WDR17: variants seen among roughly 807,000 people sequenced by gnomAD.
WDR17 encodes WD repeat-containing protein 17.
Under a neutral mutation model 161.7 loss-of-function variants are expected in WDR17, and 143 were observed. The observed-to-expected ratio is 0.88, with a 90% CI of 0.77 to 1.02. The LOEUF is 1.02. Among genes scored for constraint, WDR17 ranks in the 50% least tolerant of loss-of-function variants. WDR17 has a pLI of 0.00. For missense variants in WDR17, 1,469 were observed against 1,520.9 expected, an observed-to-expected ratio of 0.97 and a Z score of 0.57; for synonymous variants, 517 against 515.6, an observed-to-expected ratio of 1.00 and a Z score of -0.04.
At chr4:176,107,211 G>A (rs1193665112) in intron 1 of WDR17, among the ~76,000 whole-genome samples, 1 of 151,786 alleles carries the variant, frequency 6.6e-6, no homozygotes, top group Non-Finnish European at 1.5e-5. Flanking sequence ...TTAATCTTTA[G>A]GGAAATGCAA....
At chr4:176,080,769 T>C (rs1171514279) in intron 1 of WDR17, among the ~76,000 whole-genome samples, 2 of 152,116 alleles carry the variant, frequency 1.3e-5, no homozygotes, top group Non-Finnish European at 2.9e-5. Context: ...ATTTTCTCTA[T>C]TATTTTTATT....
At chr4:176,150,713 C>T in intron 16 of WDR17, 120 bp downstream of exon 16, 2 of 971,840 alleles carry the variant, frequency 2.1e-6, no homozygotes, top group South Asian at 4.9e-5. Flanking sequence ...TAAATGAACA[C>T]TGAGGAGATC....
intron 1 of WDR17, among the ~76,000 whole-genome samples, chr4:176,066,732 C>G (rs1231775802): frequency 6.6e-6 from 1 of 151,652 alleles, no homozygotes; most frequent in African/African-American, 2.4e-5. Flanking sequence ...GACCATGCAT[C>G]AAAAATAAAT....
intron 1 of WDR17, among the ~76,000 whole-genome samples, chr4:176,108,111 G>A (rs577755733): frequency 6.6e-6 from 1 of 151,534 alleles, no homozygotes; most frequent in African/African-American, 2.4e-5. Context: ...TGGTCATAGC[G>A]CACTGCAACC....
chr4:176,148,401 G>T, intron 13 of WDR17, 66 bp downstream of exon 13: 1 of 1,385,138 alleles, frequency 7.2e-7, no homozygotes, highest in South Asian at 1.3e-5. Flanking sequence ...TATAACTTCT[G>T]AGGAATACAG....
intron 11 of WDR17, among the ~76,000 whole-genome samples, chr4:176,143,215 C>A (rs1426536175): frequency 6.6e-6 from 1 of 152,218 alleles, no homozygotes; most frequent in African/African-American, 2.4e-5. Context: ...AATAAGCTCA[C>A]TATCAGCTCA....
At chr4:176,099,526 G>C (rs1004610176) in intron 1 of WDR17, among the ~76,000 whole-genome samples, 2 of 152,102 alleles carry the variant, frequency 1.3e-5, no homozygotes, top group Non-Finnish European at 2.9e-5. Context: ...CTTCCAGCAG[G>C]GGGAGGGGAA....
intron 2 of WDR17, among the ~76,000 whole-genome samples, chr4:176,112,241 CCACTCACAT>C (rs781403599): frequency 1.3e-5 from 2 of 152,144 alleles, no homozygotes; most frequent in Non-Finnish European, 2.9e-5. Flanking sequence ...ACTCCCTCTT[CCACTCACAT>C]CCCGTGCCCT....
intron 11 of WDR17, 30 bp downstream of exon 11, chr4:176,142,099 A>G: frequency 6.4e-7 from 1 of 1,570,168 alleles, no homozygotes; most frequent in Non-Finnish European, 8.7e-7. Context: ...GAAATAAATA[A>G]TAACTACATT....
At chr4:176,076,210 A>G (rs1227149132) in intron 1 of WDR17, among the ~76,000 whole-genome samples, 1 of 26,050 alleles carries the variant, frequency 3.8e-5, no homozygotes, top group African/African-American at 8.1e-5. Flanking sequence ...ATGTTTACAT[A>G]TATAATATAT....
chr4:176,114,911 G>A (rs2126704803), intron 2 of WDR17, among the ~76,000 whole-genome samples: 1 of 151,706 alleles, frequency 6.6e-6, no homozygotes, highest in South Asian at 2.1e-4. Flanking sequence ...AAGTGGAGGT[G>A]ATCGGCTGTA....
intron 1 of WDR17, among the ~76,000 whole-genome samples, chr4:176,072,199 C>G (rs753859846): frequency 1.3e-5 from 2 of 152,182 alleles, no homozygotes; most frequent in African/African-American, 2.4e-5. Flanking sequence ...CAGAAATGCT[C>G]AGGTAAACTC....
intron 1 of WDR17, among the ~76,000 whole-genome samples, chr4:176,110,701 AT>A (rs1274840493): frequency 2.0e-5 from 3 of 152,122 alleles, no homozygotes; most frequent in Admixed American, 2.0e-4. Flanking sequence ...GATTCATAGC[AT>A]TTTTTTGATC....
At chr4:176,075,369 T>C (rs1404197926) in intron 1 of WDR17, among the ~76,000 whole-genome samples, 1 of 152,142 alleles carries the variant, frequency 6.6e-6, no homozygotes, top group Non-Finnish European at 1.5e-5. Flanking sequence ...ATCTTTGTTT[T>C]CTTCTATTCT....
Position 176,151,869 on chromosome 4 carries a change from G to T in WDR17, c.2362G>T (p.Val788Leu). ...KMSKFGGGIG[V>L]PAKEERLKEA... is the part of the protein sequence containing the mutation. ...GTCTAAATTTGGTGGTGGTATTGGT[G>T]TACCTGCTAAAGAGGAAAGACTGAA... is the stretch of plus-strand genomic sequence containing the variant. Residue 788 changes from valine to leucine, a missense_variant, in exon 17 of 29, where the codon GTA (valine) becomes TTA (leucine). Coordinates refer to ENST00000508596, the MANE Select transcript of WDR17 (RefSeq NM_181265.4). 1 of 1,612,566 alleles carries T rather than the reference G, an allele frequency of 6.2e-7. No homozygotes were observed. Among genetic ancestry groups the T allele is most frequent in the South Asian group, 1.1e-5 (1 of 90,604 alleles).
At chr4:176,079,841 C>T (rs1203997536) in intron 1 of WDR17, among the ~76,000 whole-genome samples, 1 of 151,922 alleles carries the variant, frequency 6.6e-6, no homozygotes, top group Non-Finnish European at 1.5e-5. Context: ...AATCACAAGG[C>T]GAGGGGGGGT....
chr4:176,125,439 AT>A (rs1169766678), intron 5 of WDR17, 84 bp downstream of exon 5: 2 of 1,494,708 alleles, frequency 1.3e-6, no homozygotes, highest in Admixed American at 4.4e-5. Context: ...TTATAGGTTG[AT>A]TTTGTGTAAA....
At chr4:176,118,995 A>G (rs1350822658) in intron 3 of WDR17, among the ~76,000 whole-genome samples, 1 of 151,970 alleles carries the variant, frequency 6.6e-6, no homozygotes, top group East Asian at 1.9e-4. Context: ...AAATAAATAA[A>G]TAAATTCCTT....
Position 176,074,527 on chromosome 4 carries a change from G to A in WDR17, c.-7+8448G>A, listed in dbSNP as rs149423676. On this transcript the variant is annotated intron_variant, in intron 1 of 28. Coordinates refer to ENST00000508596, the MANE Select transcript of WDR17 (RefSeq NM_181265.4). ...GCTAAAGTGCAGTGGCATGATCATA[G>A]CTCACTGCAGCCTCGATTTCCTGGG... Among the ~76,000 whole-genome samples, 1,070 of 152,014 alleles carry A rather than the reference G, an allele frequency of 7.0e-3. 13 individuals carry two copies. The highest frequency in any genetic ancestry group is 0.025 in the African/African-American group (1,033 of 41,482).
Sources: gnomAD v4.1 joint callset for allele counts (sites outside exome capture counted in the v4.1 genomes callset) on GRCh38, gnomAD v4.1.1 for gene constraint, MANE v1.5 for transcripts, NCBI Gene and HGNC (gene_info 2026-07-23, HGNC 2026-07-21) for gene names.